The following PCDHA9 variants were observed in gnomAD, a reference collection of about 807,000 sequenced individuals.
PCDHA9 encodes the protein protocadherin alpha 9, also known as protocadherin alpha-9.
Under a neutral mutation model 62.0 loss-of-function variants are expected in PCDHA9, and 62 were observed. That is an observed-to-expected ratio of 1.00 (90% CI 0.81 to 1.23). PCDHA9 has a LOEUF of 1.23. Ranked by LOEUF, PCDHA9 falls within the 50% of genes most tolerant of loss-of-function variation. The probability of loss-of-function intolerance (pLI) is 0.00; values close to 1 mark genes in which losing one functional copy is unlikely to be tolerated. For synonymous variants in PCDHA9, 557 were observed against 567.6 expected (o/e 0.98, Z 0.27); for missense variants, 1,205 against 1,249.8 (o/e 0.96, Z 0.54).
At chr5:140,891,818 C>T (rs1331998195) in intron 1 of PCDHA9, among the ~76,000 whole-genome samples, 1 of 152,118 alleles carries the variant, frequency 6.6e-6, no homozygotes, top group Non-Finnish European at 1.5e-5. Context: ...AATAAATTAA[C>T]GGCACTGTAA....
At chr5:140,959,607 C>T (rs2095500489) in intron 1 of PCDHA9, among the ~76,000 whole-genome samples, 1 of 151,986 alleles carries the variant, frequency 6.6e-6, no homozygotes, top group African/African-American at 2.4e-5. Flanking sequence ...ACATGCTTTT[C>T]TTGCTTGTGA....
chr5:140,860,307 G>A (rs181918299), intron 1 of PCDHA9: 3 of 152,082 alleles, frequency 2.0e-5, no homozygotes, highest in Admixed American at 2.0e-4. Flanking sequence ...CTTGAGCCTG[G>A]GAAGTTGAGG....
intron 1 of PCDHA9, chr5:140,876,798 C>T: frequency 6.2e-7 from 1 of 1,614,180 alleles, no homozygotes; most frequent in Non-Finnish European, 8.5e-7. Context: ...CTAGAGTGTC[C>T]GTGGAGGTGG....
At chr5:140,917,242 T>C (rs564284004) in intron 1 of PCDHA9, among the ~76,000 whole-genome samples, 1 of 151,850 alleles carries the variant, frequency 6.6e-6, no homozygotes, top group African/African-American at 2.4e-5. Flanking sequence ...ATCTAGGTAC[T>C]ACGATTGCTC....
chr5:140,903,962 G>C (rs548680386), intron 1 of PCDHA9, among the ~76,000 whole-genome samples: 21 of 152,226 alleles, frequency 1.4e-4, no homozygotes. Flanking sequence ...ATTATTTGTT[G>C]ATTTTTGGTC....
chr5:140,899,267 G>C lies in PCDHA9; in HGVS notation c.2394+48378G>C, dbSNP rs1397421903. Among the ~76,000 whole-genome samples, 367 of 152,064 alleles carry C rather than the reference G, an allele frequency of 2.4e-3. 2 individuals carry two copies. The highest frequency in any genetic ancestry group is 8.5e-3 in the African/African-American group (354 of 41,454). On this transcript the variant is annotated intron_variant, in intron 1 of 3. Coordinates refer to ENST00000532602, the MANE Select transcript of PCDHA9 (RefSeq NM_031857.2). ...TGAGAGAGGGCATCCCTGTCTTGTGGCAGTTTTCAAAGGGAATACTTCCAG... is the reference window on the plus strand; with the variant it reads ...TGAGAGAGGGCATCCCTGTCTTGTGCCAGTTTTCAAAGGGAATACTTCCAG...
chr5:140,928,623 A>G (rs1554206072), intron 1 of PCDHA9: 1 of 1,614,210 alleles, frequency 6.2e-7, no homozygotes, highest in African/African-American at 1.3e-5. Flanking sequence ...CCAGGACTGG[A>G]CACTTGGTCA....
intron 1 of PCDHA9, among the ~76,000 whole-genome samples, chr5:140,956,122 A>T (rs1371284760): frequency 6.6e-6 from 1 of 152,116 alleles, no homozygotes; most frequent in Non-Finnish European, 1.5e-5. Context: ...CTCTCTTCCT[A>T]TTTGAATACC....
chr5:140,990,205 G>T (rs2097380865), intron 3 of PCDHA9, among the ~76,000 whole-genome samples: 1 of 152,116 alleles, frequency 6.6e-6, no homozygotes, highest in Non-Finnish European at 1.5e-5. Context: ...ACCCGAAAGA[G>T]AACAAAGAGA....
chr5:140,939,787 C>G (rs1486449192), intron 1 of PCDHA9, among the ~76,000 whole-genome samples: 2 of 152,180 alleles, frequency 1.3e-5, no homozygotes, highest in African/African-American at 2.4e-5. Flanking sequence ...TGGTCAATTT[C>G]TATAAATGTT....
Position 140,942,913 on chromosome 5 carries a change from GA to G in PCDHA9, c.2395-36026del, listed in dbSNP as rs58669311. Among the ~76,000 whole-genome samples the G allele has an allele frequency of 2.0e-3, 305 of 148,960 alleles. 3 individuals carry two copies. The highest frequency in any genetic ancestry group is 6.9e-3 in the African/African-American group (281 of 40,624). ...ATTTATCTCTAAGAATAAGCGTGAA[GA>G]AAAAAAAAATTGAAAAAGAGTTTAA... On this transcript the variant is annotated intron_variant, in intron 1 of 3. Coordinates refer to ENST00000532602, the MANE Select transcript of PCDHA9 (RefSeq NM_031857.2).
At chr5:140,997,967 G>A (rs1275111362) in intron 3 of PCDHA9, among the ~76,000 whole-genome samples, 1 of 152,104 alleles carries the variant, frequency 6.6e-6, no homozygotes, top group African/African-American at 2.4e-5. Flanking sequence ...CGTACCTGTG[G>A]TTGGACTGCA....
At position 140,944,693 on chromosome 5, in the gene PCDHA9, G is replaced by A. The variant is rs191002677; in HGVS notation, c.2395-34256G>A. 1.7e-3 allele frequency among the ~76,000 whole-genome samples: 252 copies of A among 152,248 alleles called. No homozygotes were observed. In the Middle Eastern group the frequency reaches 0.017, roughly 10 times the overall value. On this transcript the variant is annotated intron_variant, in intron 1 of 3. Coordinates refer to ENST00000532602, the MANE Select transcript of PCDHA9 (RefSeq NM_031857.2). ...TATTCTGTGTATCCTATTAATAACA[G>A]TAATTATCAGGTTATTTTGCCTTTG...
chr5:140,855,323 G>C lies in PCDHA9; in HGVS notation c.2394+4434G>C, dbSNP rs186152172. The stretch of plus-strand genomic sequence containing the variant: ...TTATAAAATTGGAACATGAGGGAGG[G>C]AGAGGTTAAACGATTTTCCCAAGTC... On this transcript the variant is annotated intron_variant, in intron 1 of 3. Transcript: ENST00000532602. 5.3e-5 allele frequency among the ~76,000 whole-genome samples: 8 copies of C among 149,960 alleles called. 1 individual carries two copies. The highest frequency in any genetic ancestry group is 7.5e-5 in the Non-Finnish European group (5 of 67,078).
At chr5:140,998,721 C>T (rs987484967) in intron 3 of PCDHA9, among the ~76,000 whole-genome samples, 3 of 152,084 alleles carry the variant, frequency 2.0e-5, no homozygotes, top group Non-Finnish European at 2.9e-5. Context: ...TGCACCACCA[C>T]GCTAGGCTAA....
rs782733393 is a variant in PCDHA9 at position 140,875,889 on chromosome 5, G to T, written c.2394+25000G>T. The T allele has an allele frequency of 4.8e-5, 78 of 1,614,056 alleles. No homozygotes were observed. The highest frequency in any genetic ancestry group is 5.8e-5 in the Non-Finnish European group (69 of 1,180,042). On this transcript the variant is annotated intron_variant, in intron 1 of 3. Coordinates refer to ENST00000532602, the MANE Select transcript of PCDHA9 (RefSeq NM_031857.2). ...CGGTGTTCAGAGAAAGGGAACAAAA[G>T]GTACCTGTTTCTGAATCTGCGCCTC...
In PCDHA9 at chr5:140,850,578, G is replaced by A. The variant is rs1554144523; in HGVS notation, c.2083G>A (p.Asp695Asn). Reference protein sequence around the residue: ...GATGPEVTLVDVNVYLIIAIC... With the variant: ...GATGPEVTLVNVNVYLIIAIC... ...CACGGGCCCCGAGGTGACGCTGGTG[G>A]ATGTCAACGTGTACCTGATCATCGC... The change falls in exon 1 of 4, where the codon GAT becomes AAT. Residue 695 changes from aspartate (D) to asparagine (N), a missense_variant. This residue lies in a region of PCDHA9 where 887 missense variants were observed against 809.5 expected (regional missense o/e 1.10). Transcript: ENST00000532602. 1.4e-5 allele frequency: 23 copies of A among 1,598,460 alleles called. 2 individuals carry two copies. Among genetic ancestry groups the A allele is most frequent in the Non-Finnish European group, 2.0e-5 (23 of 1,167,876 alleles).
chr5:140,967,487 G>C, intron 1 of PCDHA9: 8 of 1,613,290 alleles, frequency 5.0e-6, no homozygotes, highest in Non-Finnish European at 6.8e-6. Context: ...CTCGGGTACG[G>C]CACAGATCTC....
intron 1 of PCDHA9, among the ~76,000 whole-genome samples, chr5:140,964,992 A>G (rs1459979924): frequency 6.6e-6 from 1 of 152,098 alleles, no homozygotes; most frequent in Non-Finnish European, 1.5e-5. Flanking sequence ...CAGGCCTTTG[A>G]ATTCTGGGTG....
Sources: allele counts gnomAD v4.1 joint callset (sites outside exome capture counted in the v4.1 genomes callset), GRCh38; gene constraint gnomAD v4.1.1; regional missense constraint gnomAD v4.1.1; transcripts MANE v1.5; gene names NCBI Gene and HGNC (gene_info 2026-07-23, HGNC 2026-07-21).